CSMD1: variants seen among roughly 807,000 people sequenced by gnomAD.
CSMD1 encodes the protein CUB and Sushi multiple domains 1.
A neutral mutation model predicts 417.5 loss-of-function variants in CSMD1; 213 were observed. The ratio of observed to expected loss-of-function variants is 0.51; its 90% CI spans 0.46 to 0.57. CSMD1 has a LOEUF of 0.57. CSMD1 is among the 20% of genes least tolerant of loss of function. The pLI is 0.00. For missense variants in CSMD1, 6,923 were observed against 4,529.7 expected, an observed-to-expected ratio of 1.53 and a Z score of -15.17; for synonymous variants, 2,862 against 1,736.8, an observed-to-expected ratio of 1.65 and a Z score of -16.11.
chr8:3,913,842 C>T (rs1050871528), intron 5 of CSMD1, among the ~76,000 whole-genome samples: 3 of 152,108 alleles, frequency 2.0e-5, no homozygotes, highest in Admixed American at 6.6e-5. Flanking sequence ...GGTCTAATCA[C>T]CTTGACTTTC....
chr8:3,944,408 G>T (rs1811087915), intron 5 of CSMD1, among the ~76,000 whole-genome samples: 2 of 152,096 alleles, frequency 1.3e-5, no homozygotes, highest in South Asian at 4.2e-4. Flanking sequence ...TAACTGAGTG[G>T]GTGATTCTTC....
chr8:3,507,653 CT>C (rs1563104693), intron 10 of CSMD1, among the ~76,000 whole-genome samples: 1 of 152,220 alleles, frequency 6.6e-6, no homozygotes, highest in Non-Finnish European at 1.5e-5. Context: ...TCTCCACATC[CT>C]TTTCAGCACC....
intron 49 of CSMD1, among the ~76,000 whole-genome samples, chr8:3,063,767 T>C (rs1812743955): frequency 6.6e-6 from 1 of 152,128 alleles, no homozygotes; most frequent in Non-Finnish European, 1.5e-5. Context: ...GTGAGGTGCC[T>C]AGAGTAGTTG....
rs867215799 is a variant in CSMD1, at chr8:3,020,207, C to T, written c.7856-1557G>A. 3.3e-5 allele frequency among the ~76,000 whole-genome samples: 5 copies of T among 152,290 alleles called. No individual in the cohort carries two copies. In the East Asian group the frequency reaches 7.7e-4, roughly 24 times the overall value. Reference sequence around the variant, plus strand: ...CATAGGCTTGTGCATTAGATTCAAACGGAAGCCATCCCTCGCACATAAGCA... The same window carrying T: ...CATAGGCTTGTGCATTAGATTCAAATGGAAGCCATCCCTCGCACATAAGCA... On this transcript the variant is annotated intron_variant, in intron 51 of 69. Transcript: ENST00000635120.
chr8:3,515,749 C>G (rs1454701163), intron 10 of CSMD1, among the ~76,000 whole-genome samples: 1 of 152,138 alleles, frequency 6.6e-6, no homozygotes, highest in Non-Finnish European at 1.5e-5. Flanking sequence ...TATGCCTTCC[C>G]CATTGACTTC....
chr8:3,744,359 A>C (rs970713655), intron 6 of CSMD1, among the ~76,000 whole-genome samples: 2 of 152,170 alleles, frequency 1.3e-5, no homozygotes, highest in Non-Finnish European at 2.9e-5. Flanking sequence ...TGATTACTAA[A>C]CAGGGCACAG....
intron 49 of CSMD1, among the ~76,000 whole-genome samples, chr8:3,074,885 T>C (rs1007949709): frequency 4.6e-5 from 7 of 152,214 alleles, no homozygotes; most frequent in African/African-American, 1.7e-4. Context: ...TTTGTATCTA[T>C]GTCCCCACTC....
At chr8:3,661,762 G>A (rs938469366) in intron 7 of CSMD1, among the ~76,000 whole-genome samples, 3 of 152,120 alleles carry the variant, frequency 2.0e-5, no homozygotes, top group African/African-American at 7.2e-5. Flanking sequence ...TTCCCAAAGT[G>A]CTGGGGTGAC....
chr8:4,090,530 C>T (rs1358740561), intron 3 of CSMD1, among the ~76,000 whole-genome samples: 1 of 152,166 alleles, frequency 6.6e-6, no homozygotes, highest in Non-Finnish European at 1.5e-5. Flanking sequence ...TACACCTCTT[C>T]ATGTCTTGGA....
chr8:4,397,041 T>A (rs201186922), intron 3 of CSMD1, among the ~76,000 whole-genome samples: 3 of 151,338 alleles, frequency 2.0e-5, no homozygotes, highest in Admixed American at 1.3e-4. Context: ...AAAAAAAAAA[T>A]AAAGAAAAAT....
intron 3 of CSMD1, among the ~76,000 whole-genome samples, chr8:4,319,234 C>T (rs1799118947): frequency 6.6e-6 from 1 of 152,140 alleles, no homozygotes; most frequent in African/African-American, 2.4e-5. Flanking sequence ...TAAATCCTGA[C>T]AGTCATTTTT....
chr8:4,636,973 T>C (rs766024924), intron 2 of CSMD1, among the ~76,000 whole-genome samples: 1 of 152,024 alleles, frequency 6.6e-6, no homozygotes, highest in Non-Finnish European at 1.5e-5. Context: ...AGCAGGATCG[T>C]AAAAGTAGCC....
In CSMD1 at chr8:3,905,191, C is replaced by A. The variant is rs145339713; in HGVS notation, c.818+92712G>T. Among the ~76,000 whole-genome samples the A allele has an allele frequency of 9.9e-4, 150 of 152,082 alleles. 1 individual carries two copies. The highest frequency in any genetic ancestry group is 3.1e-3 in the African/African-American group (130 of 41,492). ...CAGGCAAACATAGAAAAAATATGTT[C>A]ATATAAAAGATAATATTTTTTCTGC... On this transcript the variant is annotated intron_variant, in intron 5 of 69. Transcript: ENST00000635120.
chr8:4,500,850 T>C (rs1378582322), intron 2 of CSMD1, among the ~76,000 whole-genome samples: 3 of 152,182 alleles, frequency 2.0e-5, no homozygotes, highest in African/African-American at 7.2e-5. Flanking sequence ...AGGATTTCTA[T>C]TTATCTGTCT....
At chr8:4,767,882 T>C (rs1200389791) in intron 1 of CSMD1, among the ~76,000 whole-genome samples, 2 of 152,064 alleles carry the variant, frequency 1.3e-5, no homozygotes, top group African/African-American at 4.8e-5. Context: ...TAGTTTACAG[T>C]GTAGGCACAT....
At chr8:4,061,135 C>G (rs1469695409) in intron 3 of CSMD1, among the ~76,000 whole-genome samples, 2 of 152,180 alleles carry the variant, frequency 1.3e-5, no homozygotes, top group African/African-American at 2.4e-5. Flanking sequence ...CCAGCAGGCT[C>G]ATCTCATCCC....
intron 4 of CSMD1, among the ~76,000 whole-genome samples, chr8:4,013,447 AG>A (rs1484712105): frequency 6.6e-6 from 1 of 152,090 alleles, no homozygotes; most frequent in Non-Finnish European, 1.5e-5. Context: ...TTCTACTATC[AG>A]GGGGGTTTCC....
At chr8:4,511,573 G>T (rs1048846693) in intron 2 of CSMD1, among the ~76,000 whole-genome samples, 1 of 152,122 alleles carries the variant, frequency 6.6e-6, no homozygotes, top group Non-Finnish European at 1.5e-5. Flanking sequence ...AGAGGTGGGG[G>T]TCATAGGACA....
At chr8:4,426,967 G>T (rs6983086) in intron 2 of CSMD1, among the ~76,000 whole-genome samples, 25,341 of 151,846 alleles carry the variant, frequency 0.17, 2,206 homozygotes, top group South Asian at 0.28. Flanking sequence ...GGATAAGACT[G>T]GCCTGGTCTA....
Sources: gnomAD v4.1 joint callset for allele counts (sites outside exome capture counted in the v4.1 genomes callset) on GRCh38, gnomAD v4.1.1 for gene constraint, MANE v1.5 for transcripts, NCBI Gene and HGNC (gene_info 2026-07-23, HGNC 2026-07-21) for gene names.